Variants in ADGRG6 observed in about 807,000 individuals in gnomAD.
ADGRG6 encodes G-protein coupled receptor 126.
In ADGRG6, 84 loss-of-function variants were observed where a neutral mutation model predicts 142.4. The ratio of observed to expected loss-of-function variants is 0.59; its 90% confidence interval spans 0.49 to 0.71. ADGRG6 has a LOEUF of 0.71. Ranked by LOEUF, ADGRG6 falls within the 30% of genes least tolerant of loss-of-function variation. The probability of loss-of-function intolerance (pLI) is 0.00; values close to 1 mark genes in which losing one functional copy is unlikely to be tolerated. For synonymous variants in ADGRG6, 521 were observed against 520.5 expected (o/e 1.00, Z -0.01); for missense variants, 1,367 against 1,466.6 (o/e 0.93, Z 1.11).
rs1018073434 is a variant in ADGRG6, at chr6:142,407,867, T to G, written c.2269-283T>G. On this transcript the variant is annotated intron_variant, in intron 15 of 24. Coordinates refer to ENST00000367609, the MANE Select transcript of ADGRG6 (RefSeq NM_198569.3). ...TATATTATTTATGAGTCTGCATTGT[T>G]TCAGTTGTTAACTGGCTGACATCAG... 2.3e-4 allele frequency among the ~76,000 whole-genome samples: 35 copies of G among 152,212 alleles called. 1 individual carries two copies. The highest frequency in any genetic ancestry group is 2.6e-4 in the Admixed American group (4 of 15,268).
At chr6:142,331,081 C>T (rs1582992198) in intron 2 of ADGRG6, among the ~76,000 whole-genome samples, 2 of 151,134 alleles carry the variant, frequency 1.3e-5, no homozygotes, top group East Asian at 3.9e-4. Flanking sequence ...TGAGGTCAGA[C>T]ATGGCTGTAT....
In ADGRG6 at chr6:142,370,374, A is replaced by G. The variant is rs367901179; in HGVS notation, c.650A>G (p.Lys217Arg). 3 of 1,613,128 alleles carry G rather than the reference A, an allele frequency of 1.9e-6. No individual in the cohort carries two copies. Among genetic ancestry groups the G allele is most frequent in the African/African-American group, 1.3e-5 (1 of 74,934 alleles). Residue 217 changes from lysine to arginine, a missense_variant, in exon 4 of 25, where the codon AAG becomes AGG. By Grantham distance (26) the Lys-to-Arg change is conservative (BLOSUM62 2). Around this residue, in one of 3 missense-constraint regions of ADGRG6, gnomAD observed 737 missense variants for 746.5 expected, o/e 0.99. Transcript: ENST00000367609. ...ASFTQLLSFG[K>R]AKSGYFLSIS... ...TTCACACAATTGCTCAGTTTTGGAA[A>G]GGCCAAGAGTGGCTACTTTCTATCC...
intron 2 of ADGRG6, among the ~76,000 whole-genome samples, chr6:142,321,410 A>G (rs1343435081): frequency 6.6e-6 from 1 of 152,008 alleles, no homozygotes; most frequent in Non-Finnish European, 1.5e-5. Context: ...TTACACCACC[A>G]TTATTTATAA....
chr6:142,367,533 G>T, intron 2 of ADGRG6, 36 bp from the exon 3 acceptor site: 1 of 1,550,532 alleles, frequency 6.4e-7, no homozygotes. Flanking sequence ...TCTGAACCCA[G>T]CCCTTCTCTC....
Position 142,445,794 on chromosome 6 carries a change from C to G in ADGRG6, c.*2279C>G, listed in dbSNP as rs1193047355. 1 of 152,078 alleles carries G rather than the reference C, an allele frequency of 6.6e-6. No individual in the cohort carries two copies. The highest frequency in any genetic ancestry group is 1.5e-5 in the Non-Finnish European group (1 of 68,008). 9.4% of individuals were successfully genotyped at this position (152,078 alleles called of 1,614,324 possible). ...GGGAGCCTAAATTTAGTTCAGCTTA[C>G]CTTTGAGAATAGCATCAATTCAGAC... On this transcript the variant is annotated 3_prime_UTR_variant, in exon 25 of 25. Transcript: ENST00000367609.
chr6:142,443,327 T>A lies in ADGRG6; in HGVS notation c.3575-10T>A. 1 of 1,602,608 alleles carries A rather than the reference T, an allele frequency of 6.2e-7. No homozygotes were observed. The highest frequency in any genetic ancestry group is 8.5e-7 in the Non-Finnish European group (1 of 1,173,314). Reference sequence around the variant, plus strand: ...ATCTTGAACCTAATTTCTTGTATCATTTCTTGCAGACAGTGCTTCCATGGA... The same window carrying A: ...ATCTTGAACCTAATTTCTTGTATCAATTCTTGCAGACAGTGCTTCCATGGA... On this transcript the variant is annotated splice_polypyrimidine_tract_variant and intron_variant, in intron 24 of 24. Coordinates refer to ENST00000367609, the MANE Select transcript of ADGRG6 (RefSeq NM_198569.3).
At chr6:142,341,644 AATATATAC>A (rs1562324255) in intron 2 of ADGRG6, among the ~76,000 whole-genome samples, 2 of 131,978 alleles carry the variant, frequency 1.5e-5, no homozygotes, top group African/African-American at 5.8e-5. Context: ...TAATATATAT[AATATATAC>A]TATATAGTAT....
At chr6:142,377,909 A>G (rs767944934) in intron 4 of ADGRG6, among the ~76,000 whole-genome samples, 3 of 152,184 alleles carry the variant, frequency 2.0e-5, no homozygotes, top group African/African-American at 2.4e-5. Context: ...TTGTATTTAT[A>G]CCATTTTTAC....
chr6:142,415,164 G>A (rs1303733315), intron 19 of ADGRG6, 68 bp downstream of exon 19: 7 of 1,355,680 alleles, frequency 5.2e-6, no homozygotes, highest in Non-Finnish European at 7.1e-6. Flanking sequence ...AAATTGCCTC[G>A]GCTTTGAAAA....
intron 2 of ADGRG6, among the ~76,000 whole-genome samples, chr6:142,363,417 TG>T (rs2114836547): frequency 6.6e-6 from 1 of 152,294 alleles, no homozygotes; most frequent in African/African-American, 2.4e-5. Context: ...TTGGCGTGAC[TG>T]GAAGACTTTT....
At chr6:142,318,496 G>T (rs1000799700) in intron 2 of ADGRG6, among the ~76,000 whole-genome samples, 3 of 142,108 alleles carry the variant, frequency 2.1e-5, no homozygotes, top group African/African-American at 5.2e-5. Flanking sequence ...TGCCTTTAAT[G>T]TTAAGGAATT....
chr6:142,379,336 C>T (rs1781645877), intron 4 of ADGRG6, among the ~76,000 whole-genome samples: 1 of 152,190 alleles, frequency 6.6e-6, no homozygotes, highest in Non-Finnish European at 1.5e-5. Context: ...ATCCTTATTA[C>T]TTATGATATC....
chr6:142,396,316 G>A (rs1775192780), intron 9 of ADGRG6, among the ~76,000 whole-genome samples: 1 of 152,036 alleles, frequency 6.6e-6, no homozygotes, highest in Non-Finnish European at 1.5e-5. Context: ...TATTCATTAT[G>A]TTTGCCTCAT....
At chr6:142,387,738 G>A (rs1782102710) in intron 6 of ADGRG6, among the ~76,000 whole-genome samples, 1 of 152,164 alleles carries the variant, frequency 6.6e-6, no homozygotes. Context: ...ATAAAAAAGG[G>A]AAAGATTAAT....
intron 2 of ADGRG6, among the ~76,000 whole-genome samples, chr6:142,337,431 T>C (rs965011471): frequency 3.9e-5 from 6 of 152,196 alleles, no homozygotes; most frequent in African/African-American, 1.2e-4. Context: ...GGACTCAAGC[T>C]ATGAAACCAA....
chr6:142,313,867 T>C (rs1218370869), intron 2 of ADGRG6, among the ~76,000 whole-genome samples: 2 of 152,162 alleles, frequency 1.3e-5, no homozygotes, highest in African/African-American at 4.8e-5. Context: ...AAAAAAATCC[T>C]TTTATGAATG....
At position 142,383,902 on chromosome 6, in the gene ADGRG6, A is replaced by G. The variant is rs538142543; in HGVS notation, c.1222+59A>G. 3 of 859,654 alleles carry G rather than the reference A, an allele frequency of 3.5e-6. No homozygotes were observed. In the East Asian group the frequency reaches 7.3e-5, roughly 21 times the overall value. 53.3% of individuals were successfully genotyped at this position (859,654 alleles called of 1,614,324 possible). A position where few individuals can be genotyped will look rare whatever the true frequency, so the allele number is the denominator to read the frequency against. On this transcript the variant is annotated intron_variant, in intron 6 of 24. Coordinates refer to ENST00000367609, the MANE Select transcript of ADGRG6 (RefSeq NM_198569.3). ...GTCTAACATAAAAAATTGTATTCTA[A>G]GGATGGAAATATGTATTATTCCAAC...
intron 22 of ADGRG6, among the ~76,000 whole-genome samples, chr6:142,428,596 C>G (rs1480616163): frequency 6.6e-6 from 1 of 152,190 alleles, no homozygotes; most frequent in Middle Eastern, 3.4e-3. Flanking sequence ...GGGAAACTTA[C>G]AATCATGGCA....
chr6:142,308,246 C>T (rs967432708), intron 1 of ADGRG6, among the ~76,000 whole-genome samples: 15 of 151,976 alleles, frequency 9.9e-5, no homozygotes, highest in African/African-American at 3.6e-4. Context: ...AGGTTCATTG[C>T]TGTTCCTTAT....
Sources: gnomAD v4.1 joint callset for allele counts (sites outside exome capture counted in the v4.1 genomes callset) on GRCh38, gnomAD v4.1.1 for gene constraint, gnomAD v4.1.1 regional missense constraint, MANE v1.5 for transcripts, NCBI Gene and HGNC (gene_info 2026-07-23, HGNC 2026-07-21) for gene names.